ATP8B4: variants seen among roughly 807,000 people sequenced by gnomAD.
ATP8B4 encodes the protein ATPase phospholipid transporting 8B4 (putative).
In ATP8B4, 133 loss-of-function variants were observed where a neutral mutation model predicts 145.6. That is an observed-to-expected ratio of 0.91 (90% CI 0.79 to 1.05). The LOEUF (loss-of-function observed/expected upper bound fraction) is 1.05. Ranked by LOEUF, ATP8B4 falls within the 50% of genes least tolerant of loss-of-function variation. The pLI, the probability that ATP8B4 is intolerant of heterozygous loss-of-function variation, is 0.00. For missense variants in ATP8B4, 1,458 were observed against 1,425.2 expected (o/e 1.02, Z -0.37); for synonymous variants, 507 against 492.9 (o/e 1.03, Z -0.38).
intron 27 of ATP8B4, 65 bp from the exon 28 acceptor site, chr15:49,860,540 C>A: frequency 6.8e-7 from 1 of 1,470,276 alleles, no homozygotes; most frequent in Non-Finnish European, 9.0e-7. Context: ...CAGTGGCCCA[C>A]TTTGTAAAGT....
chr15:50,002,184 G>T lies in ATP8B4; in HGVS notation c.475C>A (p.Leu159Ile). 1 of 1,611,022 alleles carries T rather than the reference G, an allele frequency of 6.2e-7. No homozygotes were observed. Among genetic ancestry groups the T allele is most frequent in the South Asian group, 1.1e-5 (1 of 90,834 alleles). ...LLLSSSEPHG[L>I]CYVETAELDG... ...AGCTCAGCAGTTTCAACATAACAGA[G>T]ACCATGTGGCTCACTACTTGATAGG... The change falls in exon 8 of 28, where the codon CTC becomes ATC. Residue 159 changes from leucine (L) to isoleucine (I), a missense_variant. Physicochemically the swap from Leu to Ile is conservative, Grantham distance 5 (BLOSUM62 2). Coordinates refer to ENST00000284509, the MANE Select transcript of ATP8B4 (RefSeq NM_024837.4).
intron 9 of ATP8B4, among the ~76,000 whole-genome samples, chr15:49,989,239 T>A (rs546969621): frequency 6.6e-6 from 1 of 152,312 alleles, no homozygotes; most frequent in South Asian, 2.1e-4. Context: ...GAGGAGACAT[T>A]TTCTAAATCC....
In ATP8B4 at chr15:49,917,002, C is replaced by T. The variant is rs988085435; in HGVS notation, c.2073G>A (p.Leu691=). The T allele has an allele frequency of 2.2e-5, 36 of 1,613,892 alleles. No homozygotes were observed. The highest frequency in any genetic ancestry group is 2.9e-5 in the Non-Finnish European group (34 of 1,179,920). ...AINIGYACNM[L]TDDMNDVFVI... ...CAAACACATCATTCATGTCGTCAGTCAGCATGTTGCAGGCATAACCGATGT... is the reference window on the plus strand; with the variant it reads ...CAAACACATCATTCATGTCGTCAGTTAGCATGTTGCAGGCATAACCGATGT... The change falls in exon 20 of 28, where the codon CTG becomes CTA. Residue 691 remains leucine (L), a synonymous_variant. Coordinates refer to ENST00000284509, the MANE Select transcript of ATP8B4 (RefSeq NM_024837.4).
At chr15:50,044,755 T>C in intron 4 of ATP8B4, 63 bp from the exon 5 acceptor site, 1 of 1,169,038 alleles carries the variant, frequency 8.6e-7, no homozygotes. Flanking sequence ...TTCCAAACTG[T>C]GTCATTTAAT....
intron 1 of ATP8B4, among the ~76,000 whole-genome samples, chr15:50,147,534 A>G (rs753250081): frequency 1.6e-4 from 24 of 152,162 alleles, no homozygotes; most frequent in Non-Finnish European, 2.8e-4. Flanking sequence ...CCATGTCTAA[A>G]CACCATAGTC....
rs766902500 is a variant in ATP8B4 at position 49,950,590 on chromosome 15, TAAAA to T, written c.1287+11383_1287+11386del. Among the ~76,000 whole-genome samples, 8 of 46,320 alleles carry T rather than the reference TAAAA, an allele frequency of 1.7e-4. 1 individual carries two copies. The highest frequency in any genetic ancestry group is 4.6e-4 in the African/African-American group (8 of 17,578). 30.4% of individuals were successfully genotyped at this position (46,320 alleles called of 152,430 possible). On this transcript the variant is annotated intron_variant, in intron 14 of 27. Coordinates refer to ENST00000284509, the MANE Select transcript of ATP8B4 (RefSeq NM_024837.4). Reference sequence around the variant, plus strand: ...TCTAGCTAGCCATCTATGTATTAACTAAAAAAAAAAAACAAACAAACAAACAAAC... The same window carrying T: ...TCTAGCTAGCCATCTATGTATTAACTAAAAAAAACAAACAAACAAACAAAC...
At chr15:50,130,221 G>T (rs964023815) in intron 1 of ATP8B4, among the ~76,000 whole-genome samples, 2 of 152,142 alleles carry the variant, frequency 1.3e-5, no homozygotes, top group East Asian at 3.9e-4. Context: ...AGAATTTTAA[G>T]AAATCAGAGC....
intron 6 of ATP8B4, among the ~76,000 whole-genome samples, chr15:50,012,228 A>T (rs2048767801): frequency 6.6e-6 from 1 of 152,110 alleles, no homozygotes; most frequent in Non-Finnish European, 1.5e-5. Flanking sequence ...TCTCCTAGAG[A>T]CACCTCCTCT....
intron 1 of ATP8B4, among the ~76,000 whole-genome samples, chr15:50,175,217 C>T (rs1192141432): frequency 6.6e-6 from 1 of 152,098 alleles, no homozygotes; most frequent in African/African-American, 2.4e-5. Flanking sequence ...TGGAAAAACC[C>T]TCTAGACATT....
chr15:49,865,273 G>A (rs1482592400), intron 26 of ATP8B4, among the ~76,000 whole-genome samples: 1 of 152,226 alleles, frequency 6.6e-6, no homozygotes, highest in Non-Finnish European at 1.5e-5. Context: ...GAGGTTCCTG[G>A]AGGGCAGCAT....
intron 1 of ATP8B4, among the ~76,000 whole-genome samples, chr15:50,141,910 G>C (rs970868452): frequency 6.6e-6 from 1 of 152,196 alleles, no homozygotes; most frequent in Non-Finnish European, 1.5e-5. Context: ...TGTGAGAGAG[G>C]TGTTGCGGTA....
rs189139530 is a variant in ATP8B4, at chr15:49,976,329, A to C, written c.1034+3288T>G. Among the ~76,000 whole-genome samples the C allele has an allele frequency of 3.9e-3, 582 of 150,132 alleles. 2 individuals are homozygous for C. Among genetic ancestry groups the C allele is most frequent in the African/African-American group, 0.014 (559 of 40,780 alleles). On this transcript the variant is annotated intron_variant, in intron 12 of 27. Coordinates refer to ENST00000284509, the MANE Select transcript of ATP8B4 (RefSeq NM_024837.4). ...TTTTCCTTACTCTTTTCACTCAAAA[A>C]GCATTAGCACTTACAATGGGCTGGG...
chr15:49,889,015 T>G (rs934119231), intron 23 of ATP8B4, among the ~76,000 whole-genome samples: 3 of 152,068 alleles, frequency 2.0e-5, no homozygotes, highest in Non-Finnish European at 2.9e-5. Flanking sequence ...TTCCTCCACA[T>G]AGTCATATTG....
intron 6 of ATP8B4, among the ~76,000 whole-genome samples, chr15:50,023,526 T>C (rs2049755711): frequency 6.6e-6 from 1 of 152,154 alleles, no homozygotes; most frequent in Non-Finnish European, 1.5e-5. Flanking sequence ...CCCTATTTAA[T>C]AGGGCCTCTG....
At chr15:50,042,822 A>G (rs1414628114) in intron 5 of ATP8B4, among the ~76,000 whole-genome samples, 1 of 152,234 alleles carries the variant, frequency 6.6e-6, no homozygotes, top group Non-Finnish European at 1.5e-5. Context: ...CTGTTAAGCC[A>G]ATAATATAGA....
chr15:50,164,769 G>T (rs909088992), intron 1 of ATP8B4, among the ~76,000 whole-genome samples: 4 of 152,224 alleles, frequency 2.6e-5, no homozygotes, highest in African/African-American at 9.6e-5. Context: ...CCAGAACTCA[G>T]ACTCTGACCA....
chr15:49,916,971 C>T lies in ATP8B4; in HGVS notation c.2104G>A (p.Ala702Thr), dbSNP rs1034899995. Reference sequence around the variant, plus strand: ...CTCACTTCCACAGCATTATTCCCTGCTATCACAAACACATCATTCATGTCG... The same window carrying T: ...CTCACTTCCACAGCATTATTCCCTGTTATCACAAACACATCATTCATGTCG... Reference protein sequence around the residue: ...TDDMNDVFVIAGNNAVEVREE... With the variant: ...TDDMNDVFVITGNNAVEVREE... The change falls in exon 20 of 28, where the codon GCA becomes ACA. Residue 702 changes from alanine to threonine, a missense_variant. By Grantham distance (58) the Ala-to-Thr change is moderately conservative. Coordinates refer to ENST00000284509, the MANE Select transcript of ATP8B4 (RefSeq NM_024837.4). 3 of 1,613,964 alleles carry T rather than the reference C, an allele frequency of 1.9e-6. No homozygotes were observed. In the East Asian group the frequency reaches 6.7e-5, roughly 36 times the overall value.
At chr15:49,950,840 G>A (rs1467264810) in intron 14 of ATP8B4, among the ~76,000 whole-genome samples, 1 of 152,120 alleles carries the variant, frequency 6.6e-6, no homozygotes, top group Non-Finnish European at 1.5e-5. Flanking sequence ...GGCATTTAGT[G>A]CTATAAATTT....
chr15:49,920,502 T>G, intron 17 of ATP8B4, 92 bp from the exon 18 acceptor site: 2 of 1,378,176 alleles, frequency 1.5e-6, no homozygotes, highest in Non-Finnish European at 1.9e-6. Context: ...AATTTTTCAC[T>G]CAAATTCATT....
Sources: allele counts gnomAD v4.1 joint callset (sites outside exome capture counted in the v4.1 genomes callset), GRCh38; gene constraint gnomAD v4.1.1; transcripts MANE v1.5; gene names NCBI Gene and HGNC (gene_info 2026-07-23, HGNC 2026-07-21).